Variants in AFP observed in about 807,000 individuals in gnomAD.
AFP encodes the protein alpha-fetoprotein.
AFP carries 64 observed loss-of-function variants against 78.9 expected under a neutral mutation model. That is an observed-to-expected ratio of 0.81 (90% confidence interval 0.66 to 1.00). The LOEUF (loss-of-function observed/expected upper bound fraction) is 1.00, where lower values mean the gene tolerates loss of function less well. Among genes scored for constraint, AFP ranks in the 50% least tolerant of loss-of-function variants. The probability of loss-of-function intolerance (pLI) is 0.00; values close to 1 mark genes in which losing one functional copy is unlikely to be tolerated. For missense variants in AFP, 689 were observed against 703.8 expected, an observed-to-expected ratio of 0.98 and a Z score of 0.24; for synonymous variants, 254 against 243.8, an observed-to-expected ratio of 1.04 and a Z score of -0.39.
chr4:73,437,169 T>C lies in AFP; in HGVS notation c.95T>C (p.Leu32Ser). The C allele has an allele frequency of 6.2e-7, 1 of 1,611,384 alleles. No individual in the cohort carries two copies. Among genetic ancestry groups the C allele is most frequent in the Non-Finnish European group, 8.5e-7 (1 of 1,177,936 alleles). The change falls in exon 2 of 15, where the codon TTG (leucine) becomes TCG (serine). Residue 32 changes from leucine (L) to serine (S), a missense_variant. Physicochemically the swap from Leu to Ser is moderately radical, Grantham distance 145. Transcript: ENST00000395792. ...TTATTTTGCTTTCCAGCTTCCATAT[T>C]GGATTCTTACCAATGTACTGCAGAG... ...HRNEYGIASI[L>S]DSYQCTAEIS...
rs1719504443 is a variant in AFP, at chr4:73,436,337, A to T, written c.75A>T (p.Glu25Asp). Residue 25 changes from glutamate (E) to aspartate (D), a missense_variant, in exon 1 of 15, where the codon GAA becomes GAT. Coordinates refer to ENST00000395792, the MANE Select transcript of AFP (RefSeq NM_001134.3). ...FTESRTLHRNEYGIASILDSY... is the reference protein window; with the variant it reads ...FTESRTLHRNDYGIASILDSY... ...AATCCAGAACACTGCATAGAAATGA[A>T]TATGGAATAGGTGAGATATTTTGTG... 3.8e-6 allele frequency: 6 copies of T among 1,578,130 alleles called. No individual in the cohort carries two copies. The highest frequency in any genetic ancestry group is 5.2e-6 in the Non-Finnish European group (6 of 1,153,604).
At chr4:73,453,541 G>A (rs1459766412) in intron 12 of AFP, 2 of 532,440 alleles carry the variant, frequency 3.8e-6, no homozygotes, top group Non-Finnish European at 6.8e-6. Flanking sequence ...GTATGAAATA[G>A]TGTTTTATCC....
rs1560392371 is a variant in AFP, at chr4:73,440,693, G to T, written c.362G>T (p.Arg121Ile). 2.5e-6 allele frequency: 4 copies of T among 1,613,974 alleles called. No individual in the cohort carries two copies. Among genetic ancestry groups the T allele is most frequent in the Non-Finnish European group, 3.4e-6 (4 of 1,180,010 alleles). Residue 121 changes from arginine to isoleucine, a missense_variant, in exon 4 of 15, where the codon AGA becomes ATA. Transcript: ENST00000395792. ...TGCTGCAGCCAAAGTGAAGAGGGAA[G>T]ACATAACTGTTTTCTTGCACACAAA... Reference protein sequence around the residue: ...SDCCSQSEEGRHNCFLAHKKP... With the variant: ...SDCCSQSEEGIHNCFLAHKKP...
chr4:73,454,588 C>T (rs1310422843), intron 13 of AFP, among the ~76,000 whole-genome samples: 1 of 152,036 alleles, frequency 6.6e-6, no homozygotes, highest in Non-Finnish European at 1.5e-5. Flanking sequence ...TGTATTGCTA[C>T]ATATATTTGA....
rs1366778163 is a variant in AFP, at chr4:73,450,055, A to G, written c.1211A>G (p.Tyr404Cys). ...QDKGEEELQK[Y>C]IQESQALAKR... ...TTTCAGGAAGAAGAATTACAGAAAT[A>G]CATCCAGGAGAGCCAAGCATTGGCA... Residue 404 changes from tyrosine to cysteine, a missense_variant, in exon 10 of 15, where the codon TAC becomes TGC. Coordinates refer to ENST00000395792, the MANE Select transcript of AFP (RefSeq NM_001134.3). 6.2e-7 allele frequency: 1 copy of G among 1,613,282 alleles called. No homozygotes were observed. Among genetic ancestry groups the G allele is most frequent in the Non-Finnish European group, 8.5e-7 (1 of 1,179,344 alleles).
chr4:73,447,793 A>G (rs1440052972), intron 8 of AFP, 117 bp downstream of exon 8: 1 of 860,156 alleles, frequency 1.2e-6, no homozygotes, highest in Non-Finnish European at 1.9e-6. Context: ...ATGTGAGGAT[A>G]TTTGGCTAGA....
At chr4:73,455,165 T>C in intron 13 of AFP, 71 bp from the exon 14 acceptor site, 1 of 1,192,408 alleles carries the variant, frequency 8.4e-7, no homozygotes, top group South Asian at 1.2e-5. Context: ...CCCCGGATTG[T>C]AGAGTGTTAA....
At chr4:73,442,564 T>C in intron 5 of AFP, 136 bp downstream of exon 5, 3 of 1,053,240 alleles carry the variant, frequency 2.8e-6, no homozygotes, top group Non-Finnish European at 4.3e-6. Flanking sequence ...AGCAGTCTGA[T>C]ATTCTTCGAG....
intron 6 of AFP, among the ~76,000 whole-genome samples, chr4:73,443,790 C>G (rs1277080445): frequency 2.6e-5 from 4 of 152,128 alleles, no homozygotes; most frequent in African/African-American, 9.7e-5. Flanking sequence ...AATAAGTCAG[C>G]CTTCACTGAG....
Position 73,445,106 on chromosome 4 carries a change from A to C in AFP, c.827A>C (p.Asp276Ala). 6.2e-7 allele frequency: 1 copy of C among 1,613,874 alleles called. No individual in the cohort carries two copies. Among genetic ancestry groups the C allele is most frequent in the Non-Finnish European group, 8.5e-7 (1 of 1,179,862 alleles). ...CACTGTTGCAGAGGAGATGTGCTGG[A>C]TTGTCTGCAGGATGGGGTGAAGAGT... Reference protein sequence around the residue: ...HEHCCRGDVLDCLQDGEKIMS... With the variant: ...HEHCCRGDVLACLQDGEKIMS... Residue 276 changes from aspartate (D) to alanine (A), a missense_variant, in exon 7 of 15, where the codon GAT becomes GCT. Coordinates refer to ENST00000395792, the MANE Select transcript of AFP (RefSeq NM_001134.3).
intron 11 of AFP, 54 bp from the exon 12 acceptor site, chr4:73,452,347 A>T (rs571286350): frequency 6.7e-7 from 1 of 1,489,632 alleles, no homozygotes; most frequent in South Asian, 1.1e-5. Flanking sequence ...AACTGAACCA[A>T]CTTTGTGACT....
intron 6 of AFP, 32 bp downstream of exon 6, chr4:73,443,476 G>A: frequency 6.6e-7 from 1 of 1,520,948 alleles, no homozygotes. Flanking sequence ...GGAAGAGGGT[G>A]AGAGCTACAG....
chr4:73,451,381 A>C (rs182715112), intron 11 of AFP, among the ~76,000 whole-genome samples: 1 of 152,198 alleles, frequency 6.6e-6, no homozygotes. Flanking sequence ...TATTTTTCCT[A>C]TAAAGTCATA....
intron 4 of AFP, among the ~76,000 whole-genome samples, chr4:73,441,499 C>CGGAGCT (rs1170054999): frequency 2.2e-5 from 3 of 134,848 alleles, no homozygotes; most frequent in African/African-American, 8.4e-5. Context: ...ACCCTGGAGG[C>CGGAGCT]GGAGCTTGCA....
chr4:73,442,516 T>C, intron 5 of AFP, 88 bp downstream of exon 5: 1 of 1,473,078 alleles, frequency 6.8e-7, no homozygotes, highest in Non-Finnish European at 9.5e-7. Context: ...ACGTGCTTAA[T>C]TGTGGAGAGT....
At position 73,438,219 on chromosome 4, in the gene AFP, G is replaced by C; in HGVS notation, c.183G>C (p.Lys61Asn). ...FAQFVQEATY[K>N]EVSKMVKDAL... The stretch of plus-strand genomic sequence containing the variant: ...AGTTTGTTCAAGAAGCCACTTACAA[G>C]GAAGTAAGCAAAATGGTGAAAGATG... The change falls in exon 3 of 15, where the codon AAG becomes AAC. Residue 61 changes from lysine (K) to asparagine (N), a missense_variant. Transcript: ENST00000395792. 1 of 1,613,398 alleles carries C rather than the reference G, an allele frequency of 6.2e-7. No homozygotes were observed. Among genetic ancestry groups the C allele is most frequent in the South Asian group, 1.1e-5 (1 of 91,068 alleles).
At position 73,453,761 on chromosome 4, in the gene AFP, A is replaced by C; in HGVS notation, c.1653-4A>C. On this transcript the variant is annotated splice_region_variant and splice_polypyrimidine_tract_variant and intron_variant, in intron 12 of 14. Transcript: ENST00000395792. ...CTTGTATTTTGTTTTGTTTTAAATC[A>C]CAGGTTTCTCATTAACCTTGTGAAG... 1 of 1,613,328 alleles carries C rather than the reference A, an allele frequency of 6.2e-7. No individual in the cohort carries two copies. Among genetic ancestry groups the C allele is most frequent in the Non-Finnish European group, 8.5e-7 (1 of 1,179,446 alleles).
intron 4 of AFP, among the ~76,000 whole-genome samples, chr4:73,441,059 G>A (rs1416981097): frequency 6.6e-6 from 1 of 152,038 alleles, no homozygotes; most frequent in East Asian, 1.9e-4. Context: ...TTAGTCCCTT[G>A]AGAGATATAC....
chr4:73,438,451 G>T (rs1388333461), intron 3 of AFP, 145 bp downstream of exon 3: 4 of 916,098 alleles, frequency 4.4e-6, no homozygotes, highest in Admixed American at 2.4e-5. Context: ...ATTCTGAATT[G>T]CTAAAGAGGG....
Sources: allele counts gnomAD v4.1 joint callset (sites outside exome capture counted in the v4.1 genomes callset), GRCh38; gene constraint gnomAD v4.1.1; transcripts MANE v1.5; gene names NCBI Gene and HGNC (gene_info 2026-07-23, HGNC 2026-07-21).